The following RBFOX3 variants were observed in gnomAD, a reference collection of about 807,000 sequenced individuals.
RBFOX3 encodes RNA binding protein fox-1 homolog 3.
A neutral mutation model predicts 48.7 loss-of-function variants in RBFOX3; 17 were observed. The ratio of observed to expected loss-of-function variants is 0.35; its 90% confidence interval spans 0.24 to 0.52. The LOEUF is 0.52. Among genes scored for constraint, RBFOX3 ranks in the 20% least tolerant of loss-of-function variants. The probability of loss-of-function intolerance (pLI) is 0.94; values close to 1 mark genes in which losing one functional copy is unlikely to be tolerated. For synonymous variants in RBFOX3, 212 were observed against 209.5 expected (o/e 1.01, Z -0.10); for missense variants, 382 against 497.5 (o/e 0.77, Z 2.21).
At chr17:79,595,756 C>A (rs993070440) in intron 1 of RBFOX3, among the ~76,000 whole-genome samples, 3 of 152,196 alleles carry the variant, frequency 2.0e-5, no homozygotes, top group Non-Finnish European at 2.9e-5. Flanking sequence ...AGGTGGCAGC[C>A]CTTGGCCCAT....
intron 3 of RBFOX3, among the ~76,000 whole-genome samples, chr17:79,262,562 AC>A (rs1360570263): frequency 6.6e-6 from 1 of 152,192 alleles, no homozygotes; most frequent in Admixed American, 6.5e-5. Flanking sequence ...AGAGGGCAGG[AC>A]CCCTTAATCC....
At chr17:79,393,172 C>T (rs181132066) in intron 2 of RBFOX3, among the ~76,000 whole-genome samples, 9 of 152,296 alleles carry the variant, frequency 5.9e-5, no homozygotes, top group Middle Eastern at 3.4e-3. Context: ...GGCATTTTTT[C>T]TCAAACACAC....
chr17:79,360,369 C>T (rs536135064), intron 2 of RBFOX3, among the ~76,000 whole-genome samples: 17 of 152,224 alleles, frequency 1.1e-4, no homozygotes, highest in South Asian at 4.2e-4. Flanking sequence ...CAGCTGGGCA[C>T]GCTCATCAGA....
At chr17:79,646,842 C>A in the RBFOX3 span, among the ~76,000 whole-genome samples, 2 of 152,214 alleles carry the variant, frequency 1.3e-5, no homozygotes, top group Non-Finnish European at 2.9e-5. Flanking sequence ...ATGACCTTTG[C>A]AAGTGCTGAT....
intron 2 of RBFOX3, among the ~76,000 whole-genome samples, chr17:79,385,486 C>T (rs1045866205): frequency 6.6e-6 from 1 of 152,054 alleles, no homozygotes; most frequent in African/African-American, 2.4e-5. Flanking sequence ...TCCTGCCAGG[C>T]AGGAGGGGCT....
intron 1 of RBFOX3, among the ~76,000 whole-genome samples, chr17:79,582,846 C>T (rs981015590): frequency 1.5e-3 from 225 of 149,714 alleles, no homozygotes; most frequent in African/African-American, 4.9e-3. Context: ...TGGCTAGCAG[C>T]GCCCTGCCCT....
chr17:79,466,519 T>G (rs915719345), intron 2 of RBFOX3, among the ~76,000 whole-genome samples: 1 of 152,086 alleles, frequency 6.6e-6, no homozygotes, highest in Admixed American at 6.5e-5. Flanking sequence ...CCTGGGACCT[T>G]GGGAGGGTCA....
Position 79,249,610 on chromosome 17 carries a change from C to A in RBFOX3, c.-73-13805G>T, listed in dbSNP as rs2063649371. The stretch of plus-strand genomic sequence containing the variant: ...TAATCACCCCAGAGCCAGGTACAGA[C>A]AATCAGATCCAGCCCCATAGCCCAG... On this transcript the variant is annotated intron_variant, in intron 3 of 14. Coordinates refer to ENST00000693108, the MANE Select transcript of RBFOX3 (RefSeq NM_001350451.2). This position sits in a 1 kb window ranked among gnomAD's most constrained non-coding sequence, Gnocchi z 4.1. 6.6e-6 allele frequency among the ~76,000 whole-genome samples: 1 copy of A among 152,142 alleles called. No individual in the cohort carries two copies. The highest frequency in any genetic ancestry group is 2.4e-5 in the African/African-American group (1 of 41,424).
In RBFOX3 at chr17:79,339,016, G is replaced by A. The variant is rs563720520; in HGVS notation, c.-174-31192C>T. On this transcript the variant is annotated intron_variant, in intron 2 of 14. Coordinates refer to ENST00000693108, the MANE Select transcript of RBFOX3 (RefSeq NM_001350451.2). ...TCTGAATTCTGAATTCTGGGGAATA[G>A]AAAATCTATTTACCAAGTTGTGCAG... Among the ~76,000 whole-genome samples, 37 of 152,104 alleles carry A rather than the reference G, an allele frequency of 2.4e-4. No individual in the cohort carries two copies. The South Asian group carries it at 4.6e-3, about 19-fold the overall frequency.
chr17:79,380,864 G>A (rs932123119), intron 2 of RBFOX3, among the ~76,000 whole-genome samples: 4 of 151,800 alleles, frequency 2.6e-5, no homozygotes, highest in Non-Finnish European at 5.9e-5. Flanking sequence ...CGCTCCACGA[G>A]GCACCTGTGT....
At chr17:79,352,802 C>G (rs1318139838) in intron 2 of RBFOX3, among the ~76,000 whole-genome samples, 1 of 152,256 alleles carries the variant, frequency 6.6e-6, no homozygotes, top group Non-Finnish European at 1.5e-5. Flanking sequence ...TAGGGGACCA[C>G]CTGGTGGGGC....
intron 4 of RBFOX3, among the ~76,000 whole-genome samples, chr17:79,158,390 C>T (rs867811863): frequency 7.9e-5 from 12 of 152,222 alleles, no homozygotes; most frequent in African/African-American, 2.7e-4. Flanking sequence ...AGCAATGTGC[C>T]CACCTCTTGG....
At chr17:79,628,595 A>G in the RBFOX3 span, among the ~76,000 whole-genome samples, 17 of 152,244 alleles carry the variant, frequency 1.1e-4, no homozygotes, top group Admixed American at 1.1e-3. Context: ...TAAAGTGTGC[A>G]ATTGAGGGGC....
intron 4 of RBFOX3, among the ~76,000 whole-genome samples, chr17:79,177,687 C>T (rs1208686790): frequency 3.9e-5 from 6 of 152,156 alleles, no homozygotes; most frequent in East Asian, 1.9e-4. Context: ...GCAGGTGGAC[C>T]CGCTTCCTAG....
intron 1 of RBFOX3, among the ~76,000 whole-genome samples, chr17:79,552,733 C>T (rs2091272609): frequency 6.6e-6 from 1 of 152,302 alleles, no homozygotes; most frequent in Admixed American, 6.5e-5. Flanking sequence ...GTTTTTTGCA[C>T]ATGCATTTTG....
At chr17:79,395,669 G>A (rs748426815) in intron 2 of RBFOX3, among the ~76,000 whole-genome samples, 179 of 152,318 alleles carry the variant, frequency 1.2e-3, no homozygotes, top group Non-Finnish European at 1.8e-3. Context: ...CAACCCCAAC[G>A]GGTGGGACTG....
chr17:79,287,025 C>T (rs2072089027), intron 3 of RBFOX3, among the ~76,000 whole-genome samples: 1 of 152,260 alleles, frequency 6.6e-6, no homozygotes, highest in East Asian at 1.9e-4. Flanking sequence ...GTGCTTCCCC[C>T]ACATCACAGC....
Position 79,401,437 on chromosome 17 carries a change from A to G in RBFOX3, c.-175+81017T>C, listed in dbSNP as rs148776025. On this transcript the variant is annotated intron_variant, in intron 2 of 14. Transcript: ENST00000693108. Reference sequence around the variant, plus strand: ...CATGATCCAGGGGTACAGTCAACCAATCAGCCAATCAATGAGACCACCTTG... The same window carrying G: ...CATGATCCAGGGGTACAGTCAACCAGTCAGCCAATCAATGAGACCACCTTG... 3.9e-5 allele frequency among the ~76,000 whole-genome samples: 6 copies of G among 152,338 alleles called. No individual in the cohort carries two copies. In the East Asian group the frequency reaches 1.2e-3, roughly 29 times the overall value.
At chr17:79,425,113 C>T (rs112903306) in intron 2 of RBFOX3, among the ~76,000 whole-genome samples, 1,546 of 152,288 alleles carry the variant, frequency 0.01, 17 homozygotes, top group Middle Eastern at 0.024. Context: ...TCCTCTCTCA[C>T]CTCCTCTTGC....
Sources: allele counts gnomAD v4.1 joint callset (sites outside exome capture counted in the v4.1 genomes callset), GRCh38; gene constraint gnomAD v4.1.1; non-coding constraint Gnocchi (gnomAD v3.1); transcripts MANE v1.5; gene names NCBI Gene and HGNC (gene_info 2026-07-23, HGNC 2026-07-21).